MDGA2: variants seen among roughly 807,000 people sequenced by gnomAD.
MDGA2 encodes the protein MAM domain-containing glycosylphosphatidylinositol anchor protein 2.
Under a neutral mutation model 117.8 loss-of-function variants are expected in MDGA2, and 40 were observed. The observed-to-expected ratio is 0.34, with a 90% CI of 0.26 to 0.44. MDGA2 has a LOEUF of 0.44. MDGA2 is among the 20% of genes least tolerant of loss of function. MDGA2 has a pLI of 1.00. For missense variants in MDGA2, 1,123 were observed against 1,250.6 expected (o/e 0.90, Z 1.54); for synonymous variants, 452 against 439.0 (o/e 1.03, Z -0.37).
intron 3 of MDGA2, among the ~76,000 whole-genome samples, chr14:47,212,749 G>A (rs1885932049): frequency 6.6e-6 from 1 of 152,038 alleles, no homozygotes; most frequent in Admixed American, 6.6e-5. Flanking sequence ...GATCTTTACC[G>A]CGGAACCTTG....
chr14:47,562,254 G>A (rs1454865861), intron 1 of MDGA2, among the ~76,000 whole-genome samples: 4 of 152,170 alleles, frequency 2.6e-5, no homozygotes, highest in Non-Finnish European at 5.9e-5. Context: ...GAGTGAGTTA[G>A]GGAGGATTCC....
intron 1 of MDGA2, among the ~76,000 whole-genome samples, chr14:47,418,023 T>C (rs1175119536): frequency 6.6e-6 from 1 of 151,952 alleles, no homozygotes; most frequent in Non-Finnish European, 1.5e-5. Context: ...GAGTACAAAT[T>C]TTCTATCTTA....
At chr14:47,136,906 C>T (rs1882485473) in intron 4 of MDGA2, among the ~76,000 whole-genome samples, 1 of 152,148 alleles carries the variant, frequency 6.6e-6, no homozygotes, top group African/African-American at 2.4e-5. Context: ...CATTTGGGGC[C>T]ACCCATAGCA....
At chr14:47,230,731 A>G (rs1886661160) in intron 2 of MDGA2, among the ~76,000 whole-genome samples, 1 of 151,954 alleles carries the variant, frequency 6.6e-6, no homozygotes. Flanking sequence ...TTACAATTTA[A>G]ACTCCATTCA....
intron 1 of MDGA2, among the ~76,000 whole-genome samples, chr14:47,308,502 G>A (rs1460517173): frequency 8.9e-6 from 1 of 112,922 alleles, no homozygotes; most frequent in African/African-American, 3.3e-5. Flanking sequence ...CTTTCTGTTA[G>A]TTTTTTTTTT....
At chr14:46,918,746 T>TCCATACAG (rs1883999134) in intron 10 of MDGA2, among the ~76,000 whole-genome samples, 1 of 147,890 alleles carries the variant, frequency 6.8e-6, no homozygotes, top group Admixed American at 6.8e-5. Context: ...AAGAATATGC[T>TCCATACAG]ACATACAGTG....
chr14:47,054,282 C>G (rs1250109185), intron 7 of MDGA2, among the ~76,000 whole-genome samples: 3 of 151,942 alleles, frequency 2.0e-5, no homozygotes. Flanking sequence ...AAGAGGTTAA[C>G]TGACTTCTCA....
At chr14:46,993,650 C>T (rs560958028) in intron 8 of MDGA2, among the ~76,000 whole-genome samples, 75 of 151,804 alleles carry the variant, frequency 4.9e-4, no homozygotes, top group Non-Finnish European at 8.2e-4. Flanking sequence ...TCAGTAGAGA[C>T]GGGTTTCACC....
At chr14:47,470,098 T>TTTTA (rs767117032) in intron 1 of MDGA2, among the ~76,000 whole-genome samples, 7 of 141,854 alleles carry the variant, frequency 4.9e-5, no homozygotes, top group Non-Finnish European at 1.1e-4. Context: ...TTTTTCATCT[T>TTTTA]TTTATTTATT....
At chr14:46,845,276 C>T (rs1880788790) in intron 16 of MDGA2, among the ~76,000 whole-genome samples, 3 of 152,146 alleles carry the variant, frequency 2.0e-5, no homozygotes, top group Admixed American at 2.0e-4. Flanking sequence ...CTTCACCTTC[C>T]GCCATGATTG....
intron 1 of MDGA2, among the ~76,000 whole-genome samples, chr14:47,353,457 C>T (rs936578715): frequency 3.9e-5 from 6 of 152,166 alleles, no homozygotes; most frequent in Non-Finnish European, 8.8e-5. Flanking sequence ...TTACAAGCTA[C>T]ATTGTGTTCT....
intron 1 of MDGA2, among the ~76,000 whole-genome samples, chr14:47,542,886 A>G (rs1895380687): frequency 6.6e-6 from 1 of 152,224 alleles, no homozygotes; most frequent in Non-Finnish European, 1.5e-5. Flanking sequence ...GATAATACAA[A>G]GATGTGTCAG....
intron 2 of MDGA2, among the ~76,000 whole-genome samples, chr14:47,266,464 C>T (rs1326124896): frequency 1.3e-5 from 2 of 152,164 alleles, no homozygotes; most frequent in Admixed American, 1.3e-4. Context: ...TCCTTCTCTT[C>T]CATCTTGCCA....
At chr14:47,518,681 C>T (rs1178927648) in intron 1 of MDGA2, among the ~76,000 whole-genome samples, 4 of 152,090 alleles carry the variant, frequency 2.6e-5, no homozygotes, top group African/African-American at 9.7e-5. Flanking sequence ...AGTTGGATGA[C>T]TAACATGTTT....
At chr14:47,169,248 AC>A (rs1166793922) in intron 3 of MDGA2, among the ~76,000 whole-genome samples, 1 of 151,890 alleles carries the variant, frequency 6.6e-6, no homozygotes, top group Non-Finnish European at 1.5e-5. Flanking sequence ...ACATTTGACA[AC>A]TTTAACAACT....
intron 1 of MDGA2, among the ~76,000 whole-genome samples, chr14:47,465,223 A>C (rs779409137): frequency 2.0e-5 from 3 of 152,204 alleles, no homozygotes; most frequent in African/African-American, 4.8e-5. Flanking sequence ...TAAACTCACA[A>C]AAACCCTGGC....
intron 1 of MDGA2, among the ~76,000 whole-genome samples, chr14:47,451,666 G>A (rs1893243511): frequency 6.6e-6 from 1 of 152,060 alleles, no homozygotes; most frequent in Non-Finnish European, 1.5e-5. Flanking sequence ...GTGCATCTTT[G>A]TTAACTACAT....
rs187520883 is a variant in MDGA2, at chr14:47,075,893, G to A, written c.1196-14315C>T. On this transcript the variant is annotated intron_variant, in intron 6 of 16. Transcript: ENST00000399232. ...CCCTCCAGTGATAACAGTGGACTAT[G>A]CATTTTTACATTTCTAGATTATCCT... is the stretch of plus-strand genomic sequence containing the variant. Among the ~76,000 whole-genome samples the A allele has an allele frequency of 2.1e-3, 320 of 152,126 alleles. 5 individuals carry two copies. The highest frequency in any genetic ancestry group is 7.3e-3 in the African/African-American group (301 of 41,510).
chr14:47,307,274 T>G (rs72683809), intron 1 of MDGA2, among the ~76,000 whole-genome samples: 13,570 of 152,232 alleles, frequency 0.089, 736 homozygotes, highest in Non-Finnish European at 0.11. Flanking sequence ...CTAAACTGAT[T>G]TTTATATATT....
Sources: gnomAD v4.1 joint callset for allele counts (sites outside exome capture counted in the v4.1 genomes callset) on GRCh38, gnomAD v4.1.1 for gene constraint, MANE v1.5 for transcripts, NCBI Gene and HGNC (gene_info 2026-07-23, HGNC 2026-07-21) for gene names.